Variants in PRKN observed in about 807,000 individuals in gnomAD.
The protein encoded by PRKN is E3 ubiquitin-protein ligase parkin.
Under a neutral mutation model 59.5 loss-of-function variants are expected in PRKN, and 56 were observed. The ratio of observed to expected loss-of-function variants is 0.94; its 90% CI spans 0.76 to 1.18. The LOEUF is 1.18. PRKN is among the 50% of genes most tolerant of loss of function. PRKN has a pLI of 0.00. For missense variants in PRKN, 657 were observed against 596.4 expected (o/e 1.10, Z -1.06); for synonymous variants, 250 against 222.1 (o/e 1.13, Z -1.12).
At chr6:162,073,715 G>A (rs1778687197) in intron 4 of PRKN, among the ~76,000 whole-genome samples, 1 of 152,224 alleles carries the variant, frequency 6.6e-6, no homozygotes, top group Non-Finnish European at 1.5e-5. Flanking sequence ...GCCTCCCAAA[G>A]TGCTGGGATT....
intron 5 of PRKN, among the ~76,000 whole-genome samples, chr6:162,038,501 T>G (rs1398131320): frequency 6.6e-6 from 1 of 152,206 alleles, no homozygotes; most frequent in African/African-American, 2.4e-5. Flanking sequence ...TACATCTGTA[T>G]CAAAATATGG....
At chr6:161,927,505 C>T (rs892776990) in intron 6 of PRKN, among the ~76,000 whole-genome samples, 4 of 152,064 alleles carry the variant, frequency 2.6e-5, no homozygotes, top group African/African-American at 7.2e-5. Flanking sequence ...ATAGAGTCCA[C>T]TTTAATTATA....
chr6:161,526,552 T>C lies in PRKN; in HGVS notation c.1083+22302A>G, dbSNP rs994568691. Reference sequence around the variant, plus strand: ...AGCTCTGCTAACATCTTAAATAAAATAGAAATATTAAAATATATATATAAA... The same window carrying C: ...AGCTCTGCTAACATCTTAAATAAAACAGAAATATTAAAATATATATATAAA... On this transcript the variant is annotated intron_variant, in intron 9 of 11. Coordinates refer to ENST00000366898, the MANE Select transcript of PRKN (RefSeq NM_004562.3). This position sits in a 1 kb window ranked among gnomAD's most constrained non-coding sequence, Gnocchi z 4.1. 6.7e-6 allele frequency among the ~76,000 whole-genome samples: 1 copy of C among 149,608 alleles called. No homozygotes were observed. The highest frequency in any genetic ancestry group is 2.4e-5 in the African/African-American group (1 of 41,018).
intron 6 of PRKN, among the ~76,000 whole-genome samples, chr6:161,878,133 G>A (rs112117747): frequency 4.1e-4 from 63 of 152,272 alleles, no homozygotes; most frequent in African/African-American, 1.3e-3. Context: ...TCGGAATGGG[G>A]AAAGAGTAAA....
At chr6:162,460,494 A>C (rs2223192) in intron 1 of PRKN, among the ~76,000 whole-genome samples, 92,287 of 151,998 alleles carry the variant, frequency 0.61, 28,885 homozygotes, top group African/African-American at 0.76. Flanking sequence ...GAATTTTAGA[A>C]TTTAAATGGG....
chr6:162,427,102 T>C (rs1789272545), intron 2 of PRKN, among the ~76,000 whole-genome samples: 1 of 152,234 alleles, frequency 6.6e-6, no homozygotes, highest in South Asian at 2.1e-4. Flanking sequence ...GAAAAGATGC[T>C]TAATTGAGAA....
rs189658336 is a variant in PRKN at position 161,886,682 on chromosome 6, A to G, written c.734+86620T>C. Reference sequence around the variant, plus strand: ...ACTGCACTCTAGCCTGGGCAACAAGAGCGAAACTTGTTCTCAAAAATAAAA... The same window carrying G: ...ACTGCACTCTAGCCTGGGCAACAAGGGCGAAACTTGTTCTCAAAAATAAAA... On this transcript the variant is annotated intron_variant, in intron 6 of 11. Coordinates refer to ENST00000366898, the MANE Select transcript of PRKN (RefSeq NM_004562.3). 2.9e-3 allele frequency among the ~76,000 whole-genome samples: 436 copies of G among 152,066 alleles called. 2 individuals are homozygous for G. The highest frequency in any genetic ancestry group is 0.01 in the African/African-American group (422 of 41,484).
Position 162,376,656 on chromosome 6 carries a change from A to G in PRKN, c.171+66654T>C, listed in dbSNP as rs543076420. ...CAGCTTGAATATTAAATGTGTAAAC[A>G]TACTAGACAGCAAAGTAGTGCCGAA... On this transcript the variant is annotated intron_variant, in intron 2 of 11. Transcript: ENST00000366898. Among the ~76,000 whole-genome samples, 24 of 150,712 alleles carry G rather than the reference A, an allele frequency of 1.6e-4. No individual in the cohort carries two copies. In the South Asian group the frequency reaches 5.1e-3, roughly 32 times the overall value.
chr6:161,418,234 A>G (rs368143204), intron 9 of PRKN, among the ~76,000 whole-genome samples: 1 of 152,216 alleles, frequency 6.6e-6, no homozygotes. Context: ...GCCTCTGCCA[A>G]TCTGTTTACT....
At chr6:161,618,712 T>A (rs1467957614) in intron 7 of PRKN, among the ~76,000 whole-genome samples, 5 of 152,198 alleles carry the variant, frequency 3.3e-5, no homozygotes, top group African/African-American at 7.2e-5. Flanking sequence ...TGCAATTATC[T>A]CTCACACACT....
At chr6:161,590,539 T>G (rs1371357143) in intron 7 of PRKN, among the ~76,000 whole-genome samples, 1 of 151,692 alleles carries the variant, frequency 6.6e-6, no homozygotes, top group Non-Finnish European at 1.5e-5. Flanking sequence ...TCATGACCAG[T>G]CTGGCCAACA....
intron 2 of PRKN, among the ~76,000 whole-genome samples, chr6:162,270,473 G>A (rs568267048): frequency 8.3e-4 from 126 of 152,196 alleles, no homozygotes; most frequent in African/African-American, 2.8e-3. Context: ...ACTAACTTAC[G>A]TAAACAAATA....
At chr6:162,020,505 G>A (rs1282210170) in intron 5 of PRKN, among the ~76,000 whole-genome samples, 2 of 152,150 alleles carry the variant, frequency 1.3e-5, no homozygotes, top group African/African-American at 4.8e-5. Context: ...GAAGTTGGAT[G>A]TAGCTGATAG....
chr6:162,701,779 T>A (rs1202257521), intron 1 of PRKN, among the ~76,000 whole-genome samples: 1 of 151,054 alleles, frequency 6.6e-6, no homozygotes, highest in Non-Finnish European at 1.5e-5. Flanking sequence ...TTAGCAAAAG[T>A]ATAACTTCAA....
In PRKN at chr6:161,352,755, G is replaced by GTGTGTGTGTATATA. The variant is rs766949960; in HGVS notation, c.1286-2545_1286-2544insTATATACACACACA. Among the ~76,000 whole-genome samples the GTGTGTGTGTATATA allele has an allele frequency of 1.5e-5, 2 of 134,378 alleles. No individual in the cohort carries two copies. The highest frequency in any genetic ancestry group is 5.6e-5 in the African/African-American group (2 of 35,726). The allele number at this position is 134,378 out of a possible 152,430, so 88.2% of individuals were successfully genotyped here. A position where few individuals can be genotyped will look rare whatever the true frequency, so the allele number is the denominator to read the frequency against. Reference sequence around the variant, plus strand: ...TGTGTGTGTGTGTGTGTGTGTGTGTGTATATATATATATATATTTTATTTT... The same window carrying GTGTGTGTGTATATA: ...TGTGTGTGTGTGTGTGTGTGTGTGTGTGTGTGTGTATATATATATATATATATATATTTTATTTT... On this transcript the variant is annotated intron_variant, in intron 11 of 11. Transcript: ENST00000366898. This position sits in a 1 kb window ranked among gnomAD's most constrained non-coding sequence, Gnocchi z 5.8.
intron 9 of PRKN, among the ~76,000 whole-genome samples, chr6:161,435,006 T>G (rs1351034870): frequency 6.6e-6 from 1 of 152,208 alleles, no homozygotes; most frequent in East Asian, 1.9e-4. Flanking sequence ...TTGCCCGGCA[T>G]GATCTTGCTC....
rs530134788 is a variant in PRKN, at chr6:161,395,038, A to T, written c.1084-8161T>A. On this transcript the variant is annotated intron_variant, in intron 9 of 11. Transcript: ENST00000366898. The surrounding 1 kb of genome is among the most constrained non-coding windows in gnomAD (Gnocchi z 5.0). The stretch of plus-strand genomic sequence containing the variant: ...AAAGTAGGTATTCTTTGAATGCAAA[A>T]TATGTGCAGGTAGCACAGATTCAAA... 8.5e-5 allele frequency among the ~76,000 whole-genome samples: 13 copies of T among 152,284 alleles called. No individual in the cohort carries two copies. The highest frequency in any genetic ancestry group is 3.1e-4 in the African/African-American group (13 of 41,528).
At chr6:162,485,066 A>G (rs1792482145) in intron 1 of PRKN, among the ~76,000 whole-genome samples, 1 of 152,234 alleles carries the variant, frequency 6.6e-6, no homozygotes, top group African/African-American at 2.4e-5. Flanking sequence ...CATAAAAAAT[A>G]CATTTTATAT....
intron 7 of PRKN, among the ~76,000 whole-genome samples, chr6:161,678,555 A>C (rs988243453): frequency 7.0e-6 from 1 of 142,650 alleles, no homozygotes; most frequent in Non-Finnish European, 1.5e-5. Context: ...TTCCACTCTT[A>C]TTTTGGTGCC....
Sources: gnomAD v4.1 joint callset for allele counts (sites outside exome capture counted in the v4.1 genomes callset) on GRCh38, gnomAD v4.1.1 for gene constraint, Gnocchi (gnomAD v3.1) non-coding constraint, MANE v1.5 for transcripts, NCBI Gene and HGNC (gene_info 2026-07-23, HGNC 2026-07-21) for gene names.